FLNC: variants seen among roughly 807,000 people sequenced by gnomAD.
The protein encoded by FLNC is filamin C, also known as filamin-C.
A neutral mutation model predicts 254.3 loss-of-function variants in FLNC; 91 were observed. The observed-to-expected ratio is 0.36, with a 90% confidence interval of 0.30 to 0.43. The LOEUF (loss-of-function observed/expected upper bound fraction) is 0.43. Ranked by LOEUF, FLNC falls within the 20% of genes least tolerant of loss-of-function variation. The probability of loss-of-function intolerance (pLI) is 1.00; values close to 1 mark genes in which losing one functional copy is unlikely to be tolerated. For missense variants in FLNC, 2,853 were observed against 3,802.6 expected (o/e 0.75, Z 6.57); for synonymous variants, 1,430 against 1,577.2 (o/e 0.91, Z 2.21).
chr7:128,839,246 C>A (rs562254457), intron 8 of FLNC, among the ~76,000 whole-genome samples: 1 of 152,344 alleles, frequency 6.6e-6, no homozygotes, highest in Non-Finnish European at 1.5e-5. Context: ...AATCGCCCCC[C>A]CTTCCTTGGC....
At position 128,849,539 on chromosome 7, in the gene FLNC, C is replaced by A. The variant is rs562101000; in HGVS notation, c.5160C>A (p.Phe1720Leu). Residue 1720 changes from phenylalanine to leucine, a missense_variant, in exon 30 of 48, where the codon TTC becomes TTA. Physicochemically the swap from Phe to Leu is conservative, Grantham distance 22 (BLOSUM62 0). Coordinates refer to ENST00000325888, the MANE Select transcript of FLNC (RefSeq NM_001458.5). ...GCAAGTACGTCATCACCATCCGCTT[C>A]GGGGGTGAGCACATCCCCAACAGCC... ...EPGKYVITIR[F>L]GGEHIPNSPF... is the part of the protein sequence containing the mutation. 1 of 1,614,148 alleles carries A rather than the reference C, an allele frequency of 6.2e-7. No homozygotes were observed. The highest frequency in any genetic ancestry group is 2.2e-5 in the East Asian group (1 of 44,884).
At position 128,837,973 on chromosome 7, in the gene FLNC, T is replaced by C. The variant is rs1441789361; in HGVS notation, c.970-14T>C. ...GTCATTGGAGAGGCTTCCAATCTTT[T>C]TCCTTCCTAATAGGCTAAGGTGGTT... On this transcript the variant is annotated splice_polypyrimidine_tract_variant and intron_variant, in intron 5 of 47. Coordinates refer to ENST00000325888, the MANE Select transcript of FLNC (RefSeq NM_001458.5). 6.2e-7 allele frequency: 1 copy of C among 1,612,402 alleles called. No homozygotes were observed. The highest frequency in any genetic ancestry group is 1.7e-5 in the Admixed American group (1 of 60,020).
At chr7:128,831,209 C>G (rs1289226211) in intron 1 of FLNC, among the ~76,000 whole-genome samples, 1 of 152,158 alleles carries the variant, frequency 6.6e-6, no homozygotes, top group African/African-American at 2.4e-5. Flanking sequence ...CCCTGGGTGC[C>G]CCGGGGAGTC....
Position 128,856,572 on chromosome 7 carries a change from G to C in FLNC, c.7306G>C (p.Ala2436Pro), listed in dbSNP as rs1809068272. The change falls in exon 44 of 48, where the codon GCC becomes CCC. Residue 2436 changes from alanine (A) to proline (P), a missense_variant. Ala to Pro is a conservative substitution (Grantham distance 27, BLOSUM62 -1). Transcript: ENST00000325888. The surrounding 1 kb of genome is among the most constrained non-coding windows in gnomAD (Gnocchi z 5.9). Reference sequence around the variant, plus strand: ...GTCCTTTGCCGTGCAGCTGAACGGTGCCCGGGGCGTGATTGATGCCCGGGT... The same window carrying C: ...GTCCTTTGCCGTGCAGCTGAACGGTCCCCGGGGCGTGATTGATGCCCGGGT... ...PASFAVQLNG[A>P]RGVIDARVHT... The C allele has an allele frequency of 6.2e-7, 1 of 1,612,862 alleles. No individual in the cohort carries two copies. The highest frequency in any genetic ancestry group is 2.2e-5 in the East Asian group (1 of 44,878).
intron 37 of FLNC, 114 bp from the exon 38 acceptor site, chr7:128,853,355 G>T: frequency 4.4e-6 from 6 of 1,352,106 alleles, no homozygotes; most frequent in Non-Finnish European, 6.2e-6. Flanking sequence ...TTTGTTAGTG[G>T]TCACTACACA....
rs776943903 is a variant in FLNC, at chr7:128,838,079, G to GC, written c.1047+21dup. The GC allele has an allele frequency of 5.6e-6, 9 of 1,605,806 alleles. No homozygotes were observed. The highest frequency in any genetic ancestry group is 1.1e-5 in the South Asian group (1 of 90,894). Reference sequence around the variant, plus strand: ...GGTTACACAAGGTATCTCCCTCTAGGCCCCCCTGCCTGCGCTGCTCTTCAC... The same window carrying GC: ...GGTTACACAAGGTATCTCCCTCTAGGCCCCCCCTGCCTGCGCTGCTCTTCAC... On this transcript the variant is annotated intron_variant, in intron 6 of 47. Coordinates refer to ENST00000325888, the MANE Select transcript of FLNC (RefSeq NM_001458.5).
In FLNC at chr7:128,850,345, C is replaced by T. The variant is rs774218978; in HGVS notation, c.5299-39C>T. On this transcript the variant is annotated intron_variant, in intron 31 of 47. Coordinates refer to ENST00000325888, the MANE Select transcript of FLNC (RefSeq NM_001458.5). ...CATAGCATGGGTCAAACTCCTGGGC[C>T]TTCCCCAGTCACTGACTGTTCCCTC... 19 of 1,534,300 alleles carry T rather than the reference C, an allele frequency of 1.2e-5. No individual in the cohort carries two copies. In the East Asian group the frequency reaches 4.3e-4, roughly 34 times the overall value.
At position 128,858,682 on chromosome 7, in the gene FLNC, C is replaced by T. The variant is rs543983970; in HGVS notation, c.*159C>T. 58 of 650,428 alleles carry T rather than the reference C, an allele frequency of 8.9e-5. No individual in the cohort carries two copies. The African/African-American group carries it at 9.5e-4, about 11-fold the overall frequency. The allele number at this position is 650,428 out of a possible 1,614,324, so 40.3% of individuals were successfully genotyped here. ...TGAAGTGAAGGCCCAGCCTCCCCAC[C>T]CCACCGCGCCCCAGGGGTTGGAGGA... On this transcript the variant is annotated 3_prime_UTR_variant, in exon 48 of 48. Transcript: ENST00000325888. This position sits in a 1 kb window ranked among gnomAD's most constrained non-coding sequence, Gnocchi z 6.7.
chr7:128,851,374 AG>A lies in FLNC; in HGVS notation c.5668+16del. On this transcript the variant is annotated intron_variant, in intron 34 of 47. Transcript: ENST00000325888. ...ATGCTGGAGAAGGTGAGGGAGCTGC[AG>A]GTCGCAGGCTGGGGTGGAGACTCAC... The A allele has an allele frequency of 6.2e-7, 1 of 1,614,082 alleles. No homozygotes were observed. Among genetic ancestry groups the A allele is most frequent in the Non-Finnish European group, 8.5e-7 (1 of 1,180,036 alleles).
At chr7:128,835,000 C>G (rs578173604) in intron 1 of FLNC, among the ~76,000 whole-genome samples, 3 of 152,208 alleles carry the variant, frequency 2.0e-5, no homozygotes, top group African/African-American at 7.2e-5. Flanking sequence ...AACAAAAAGG[C>G]TCTGCCCTGG....
At position 128,838,028 on chromosome 7, in the gene FLNC, T is replaced by C; in HGVS notation, c.1011T>C (p.Ala337=). The C allele has an allele frequency of 1.9e-6, 3 of 1,614,060 alleles. No individual in the cohort carries two copies. Among genetic ancestry groups the C allele is most frequent in the East Asian group, 2.2e-5 (1 of 44,880 alleles). ...ACAATGACAAGGATCGCACCTATGC[T>C]GTCTCCTATGTGCCCAAGGTCGCTG... ...VPNNDKDRTY[A]VSYVPKVAGL... Residue 337 remains alanine, a synonymous_variant, in exon 6 of 48, where the codon GCT becomes GCC. Coordinates refer to ENST00000325888, the MANE Select transcript of FLNC (RefSeq NM_001458.5).
At position 128,835,695 on chromosome 7, in the gene FLNC, C is replaced by A; in HGVS notation, c.601+121C>A. The A allele has an allele frequency of 8.7e-7, 1 of 1,153,714 alleles. No individual in the cohort carries two copies. Among genetic ancestry groups the A allele is most frequent in the Non-Finnish European group, 1.3e-6 (1 of 799,096 alleles). 71.5% of individuals were successfully genotyped at this position (1,153,714 alleles called of 1,614,324 possible). A position where few individuals can be genotyped will look rare whatever the true frequency, so the allele number is the denominator to read the frequency against. On this transcript the variant is annotated intron_variant, in intron 2 of 47. Coordinates refer to ENST00000325888, the MANE Select transcript of FLNC (RefSeq NM_001458.5). The surrounding 1 kb of genome is among the most constrained non-coding windows in gnomAD (Gnocchi z 5.3). ...ACCCTGGGGCCTGGGGGCCAGGATC[C>A]CCTGCAGGGTTTGTCCTCCTCCAGC...
chr7:128,845,279 A>G (rs1284270423), intron 21 of FLNC, 24 bp downstream of exon 21: 5 of 1,593,514 alleles, frequency 3.1e-6, no homozygotes, highest in East Asian at 4.5e-5. Flanking sequence ...AGGAGCCAAG[A>G]AAGGTCAAGT....
chr7:128,840,007 T>C lies in FLNC; in HGVS notation c.1412-16T>C, dbSNP rs182501358. 3 of 1,611,600 alleles carry C rather than the reference T, an allele frequency of 1.9e-6. No homozygotes were observed. The East Asian group carries it at 6.7e-5, about 36-fold the overall frequency. ...GCCCCTCAGCACCCCCAACCTCCTT[T>C]CTCTTCCTCCCCTAGCCTGTAACCC... On this transcript the variant is annotated splice_polypyrimidine_tract_variant and intron_variant, in intron 8 of 47. Coordinates refer to ENST00000325888, the MANE Select transcript of FLNC (RefSeq NM_001458.5).
At chr7:128,853,189 T>C in intron 37 of FLNC, 158 bp downstream of exon 37, 1 of 781,516 alleles carries the variant, frequency 1.3e-6, no homozygotes, top group African/African-American at 1.7e-5. Flanking sequence ...TGCGGGAAAG[T>C]GAATGGCCCC....
intron 9 of FLNC, 22 bp from the exon 10 acceptor site, chr7:128,840,526 C>A (rs767242691): frequency 6.2e-7 from 1 of 1,614,102 alleles, no homozygotes; most frequent in Non-Finnish European, 8.5e-7. Context: ...CCTTCTTCCC[C>A]ACCCTGCCCC....
Position 128,858,034 on chromosome 7 carries a change from C to T in FLNC, c.7807C>T (p.Leu2603Phe), listed in dbSNP as rs746685461. 1.9e-6 allele frequency: 3 copies of T among 1,570,168 alleles called. No individual in the cohort carries two copies. The highest frequency in any genetic ancestry group is 1.3e-5 in the African/African-American group (1 of 74,272). ...TGPRLSGGHS[L>F]HETSTVLVET... ...TCCGAGGCTGTCCGGAGGCCACAGC[C>T]TTCACGAAACATCCACGGTTCTGGT... Residue 2603 changes from leucine (L) to phenylalanine (F), a missense_variant, in exon 47 of 48, where the codon CTT becomes TTT. This residue lies in a region of FLNC where 197 missense variants were observed against 351.5 expected (regional missense o/e 0.56). Coordinates refer to ENST00000325888, the MANE Select transcript of FLNC (RefSeq NM_001458.5). The surrounding 1 kb of genome is among the most constrained non-coding windows in gnomAD (Gnocchi z 6.7).
chr7:128,853,900 C>T (rs1366230048), intron 39 of FLNC, 63 bp downstream of exon 39: 2 of 1,613,052 alleles, frequency 1.2e-6, no homozygotes, highest in East Asian at 4.5e-5. Flanking sequence ...GGGCCAGAGC[C>T]CACCTGTCGG....
chr7:128,846,037 C>T lies in FLNC; in HGVS notation c.3838C>T (p.Leu1280=), dbSNP rs34180031. The change falls in exon 22 of 48, where the codon CTA becomes TTA. Residue 1280 remains leucine, a synonymous_variant. Coordinates refer to ENST00000325888, the MANE Select transcript of FLNC (RefSeq NM_001458.5). ...TGAGTTCACTGTGGATGCAAGATCC[C>T]TAACAGCCACAGGCGGCAACCACGT... ...TTEFTVDARS[L]TATGGNHVTA... is the part of the protein sequence containing the mutation. 56,036 of 1,613,884 alleles carry T rather than the reference C, an allele frequency of 0.035. 1,176 individuals carry two copies. Among genetic ancestry groups the T allele is most frequent in the Non-Finnish European group, 0.037 (43,393 of 1,179,976 alleles).
Sources: gnomAD v4.1 joint callset for allele counts (sites outside exome capture counted in the v4.1 genomes callset) on GRCh38, gnomAD v4.1.1 for gene constraint, gnomAD v4.1.1 regional missense constraint, Gnocchi (gnomAD v3.1) non-coding constraint, MANE v1.5 for transcripts, NCBI Gene and HGNC (gene_info 2026-07-23, HGNC 2026-07-21) for gene names.